The following LRMDA variants were observed in gnomAD, a reference collection of about 807,000 sequenced individuals.
LRMDA encodes the protein leucine rich melanocyte differentiation associated.
In LRMDA, 18 loss-of-function variants were observed where a neutral mutation model predicts 29.8. The observed-to-expected ratio is 0.60, with a 90% CI of 0.42 to 0.90. The LOEUF is 0.90. LRMDA is among the 40% of genes least tolerant of loss of function. The probability of loss-of-function intolerance (pLI) is 0.00; values close to 1 mark genes in which losing one functional copy is unlikely to be tolerated. For missense variants in LRMDA, 273 were observed against 273.9 expected, an observed-to-expected ratio of 1.00 and a Z score of 0.02; for synonymous variants, 125 against 109.4, an observed-to-expected ratio of 1.14 and a Z score of -0.89.
intron 2 of LRMDA, among the ~76,000 whole-genome samples, chr10:75,876,667 C>T (rs566133416): frequency 2.2e-3 from 334 of 152,244 alleles, no homozygotes; most frequent in Non-Finnish European, 4.2e-3. Flanking sequence ...TGGTGCAGGA[C>T]GCTAGAGCTC....
intron 2 of LRMDA, among the ~76,000 whole-genome samples, chr10:75,529,618 T>C (rs1427513745): frequency 6.6e-6 from 1 of 152,184 alleles, no homozygotes; most frequent in Non-Finnish European, 1.5e-5. Flanking sequence ...TTCCCCAGCA[T>C]GATGAAGGTG....
chr10:75,749,320 A>G (rs1476298867), intron 2 of LRMDA, among the ~76,000 whole-genome samples: 1 of 152,134 alleles, frequency 6.6e-6, no homozygotes, highest in Non-Finnish European at 1.5e-5. Flanking sequence ...GACTATTAGT[A>G]CTTTTGGGGG....
At chr10:75,581,397 A>AT (rs1840589336) in intron 2 of LRMDA, among the ~76,000 whole-genome samples, 1 of 152,244 alleles carries the variant, frequency 6.6e-6, no homozygotes, top group South Asian at 2.1e-4. Context: ...AATGGTGATC[A>AT]TTAAAAAGTC....
At chr10:76,206,947 C>T (rs1228967518) in intron 5 of LRMDA, among the ~76,000 whole-genome samples, 4 of 152,218 alleles carry the variant, frequency 2.6e-5, no homozygotes, top group East Asian at 1.9e-4. Flanking sequence ...TGCACATCAT[C>T]GCATTCAGTG....
intron 6 of LRMDA, among the ~76,000 whole-genome samples, chr10:76,471,899 T>A (rs1188749483): frequency 1.3e-5 from 2 of 151,762 alleles, no homozygotes; most frequent in Non-Finnish European, 3.0e-5. Context: ...TAGACATGGC[T>A]ACATAGCCAC....
At chr10:75,509,831 C>T (rs761453109) in intron 2 of LRMDA, among the ~76,000 whole-genome samples, 6 of 152,192 alleles carry the variant, frequency 3.9e-5, no homozygotes, top group African/African-American at 9.6e-5. Context: ...CCTTATCTCC[C>T]GGTGTGTGGA....
At chr10:75,685,509 C>T (rs1842070644) in intron 2 of LRMDA, among the ~76,000 whole-genome samples, 1 of 152,192 alleles carries the variant, frequency 6.6e-6, no homozygotes, top group African/African-American at 2.4e-5. Context: ...CCAGGTGGCC[C>T]CACCTATCTG....
chr10:75,861,431 T>C (rs1258238084), intron 2 of LRMDA, among the ~76,000 whole-genome samples: 1 of 152,266 alleles, frequency 6.6e-6, no homozygotes, highest in East Asian at 1.9e-4. Flanking sequence ...GGAGTTCTTC[T>C]GTTACAAGAG....
chr10:76,066,953 G>A (rs1002184556), intron 5 of LRMDA, among the ~76,000 whole-genome samples: 3 of 152,216 alleles, frequency 2.0e-5, no homozygotes, highest in African/African-American at 7.2e-5. Context: ...GCAACAGCAG[G>A]CACTGGTCTG....
intron 2 of LRMDA, among the ~76,000 whole-genome samples, chr10:75,975,926 C>T (rs781299761): frequency 7.9e-5 from 12 of 152,196 alleles, no homozygotes; most frequent in Non-Finnish European, 1.8e-4. Context: ...GCCAAGCCAC[C>T]ATTACATATT....
chr10:75,755,866 C>A (rs1023084753), intron 2 of LRMDA, among the ~76,000 whole-genome samples: 3 of 152,176 alleles, frequency 2.0e-5, no homozygotes, highest in Non-Finnish European at 2.9e-5. Context: ...CAAATAAAAT[C>A]CATATTCCTC....
intron 2 of LRMDA, among the ~76,000 whole-genome samples, chr10:75,918,022 A>C (rs1280245236): frequency 6.6e-6 from 1 of 152,170 alleles, no homozygotes; most frequent in South Asian, 2.1e-4. Context: ...TGACACCCCC[A>C]GAGCTGAAAG....
At chr10:75,654,288 G>A (rs971574602) in intron 2 of LRMDA, among the ~76,000 whole-genome samples, 2 of 152,104 alleles carry the variant, frequency 1.3e-5, no homozygotes, top group Admixed American at 1.3e-4. Flanking sequence ...CTTGTACATT[G>A]GAGACATTAC....
At chr10:75,630,312 C>T (rs1024471814) in intron 2 of LRMDA, among the ~76,000 whole-genome samples, 4 of 152,208 alleles carry the variant, frequency 2.6e-5, no homozygotes, top group Admixed American at 6.5e-5. Context: ...GACCATCCCC[C>T]GCTTCCCTCT....
chr10:75,759,444 C>G (rs1843069589), intron 2 of LRMDA, among the ~76,000 whole-genome samples: 1 of 152,108 alleles, frequency 6.6e-6, no homozygotes, highest in Admixed American at 6.5e-5. Flanking sequence ...CTGTGAGTTA[C>G]ACTGTAAGGA....
chr10:76,136,622 A>AAGC (rs71024589), intron 5 of LRMDA, among the ~76,000 whole-genome samples: 150,322 of 151,824 alleles, frequency 0.99, 74,423 homozygotes, highest in Middle Eastern at 1. Context: ...ATTAAAAAAA[A>AAGC]AGCAAAAATG....
intron 2 of LRMDA, among the ~76,000 whole-genome samples, chr10:75,948,051 C>T (rs963058458): frequency 2.0e-5 from 3 of 152,194 alleles, no homozygotes; most frequent in Non-Finnish European, 4.4e-5. Context: ...AAACAAGCTT[C>T]TTTGCAGACA....
intron 2 of LRMDA, among the ~76,000 whole-genome samples, chr10:75,490,037 G>T (rs565993976): frequency 1.3e-5 from 2 of 152,084 alleles, no homozygotes; most frequent in East Asian, 3.9e-4. Context: ...CAGTTACTGT[G>T]CCTGCTTTAT....
intron 4 of LRMDA, among the ~76,000 whole-genome samples, chr10:76,047,669 T>C (rs1848462711): frequency 1.3e-5 from 2 of 152,362 alleles, no homozygotes; most frequent in African/African-American, 4.8e-5. Flanking sequence ...TAAAGCTTTA[T>C]TTACAAAACA....
Sources: gnomAD v4.1 joint callset for allele counts (sites outside exome capture counted in the v4.1 genomes callset) on GRCh38, gnomAD v4.1.1 for gene constraint, MANE v1.5 for transcripts, NCBI Gene and HGNC (gene_info 2026-07-23, HGNC 2026-07-21) for gene names.